The following PFKM variants were observed in gnomAD, a reference collection of about 807,000 sequenced individuals.
PFKM encodes the protein ATP-dependent 6-phosphofructokinase, muscle type.
A neutral mutation model predicts 95.5 loss-of-function variants in PFKM; 58 were observed. That is an observed-to-expected ratio of 0.61 (90% CI 0.49 to 0.76). The LOEUF (loss-of-function observed/expected upper bound fraction) is 0.76, where lower values mean the gene tolerates loss of function less well. Among genes scored for constraint, PFKM ranks in the 30% least tolerant of loss-of-function variants. The probability of loss-of-function intolerance (pLI) is 0.00; values close to 1 mark genes in which losing one functional copy is unlikely to be tolerated. For synonymous variants in PFKM, 336 were observed against 357.2 expected, an observed-to-expected ratio of 0.94 and a Z score of 0.67; for missense variants, 678 against 1,005.4, an observed-to-expected ratio of 0.67 and a Z score of 4.40.
At chr12:48,137,053 C>CTT (rs1394714959) in intron 10 of PFKM, among the ~76,000 whole-genome samples, 1 of 133,552 alleles carries the variant, frequency 7.5e-6, no homozygotes. Context: ...TGGGCCCAGC[C>CTT]TTTTTTTTTT....
At chr12:48,126,778 C>A (rs545140057) in intron 2 of PFKM, among the ~76,000 whole-genome samples, 52 of 152,294 alleles carry the variant, frequency 3.4e-4, no homozygotes, top group African/African-American at 1.2e-3. Flanking sequence ...AGAAGAGAAT[C>A]CCATAGGCCT....
chr12:48,130,852 G>C lies in PFKM; in HGVS notation c.159+416G>C, dbSNP rs138839787. Among the ~76,000 whole-genome samples, 1,151 of 152,250 alleles carry C rather than the reference G, an allele frequency of 7.6e-3. 12 individuals carry two copies. The highest frequency in any genetic ancestry group is 0.025 in the African/African-American group (1,050 of 41,546). On this transcript the variant is annotated intron_variant, in intron 3 of 22. Coordinates refer to ENST00000359794, the MANE Select transcript of PFKM (RefSeq NM_000289.6). ...AATCTTCTTTTGCACCCTTCTCCCAGTACCCTCTCATGCTTCACCCACTCT... is the reference window on the plus strand; with the variant it reads ...AATCTTCTTTTGCACCCTTCTCCCACTACCCTCTCATGCTTCACCCACTCT...
rs778761447 is a variant in PFKM at position 48,129,210 on chromosome 12, C to CTTTTTTTT, written c.86-1127_86-1120dup. Among the ~76,000 whole-genome samples, 5 of 21,976 alleles carry CTTTTTTTT rather than the reference C, an allele frequency of 2.3e-4. 1 individual carries two copies. Among genetic ancestry groups the CTTTTTTTT allele is most frequent in the Non-Finnish European group, 3.5e-4 (4 of 11,448 alleles). 14.4% of individuals were successfully genotyped at this position (21,976 alleles called of 152,430 possible). On this transcript the variant is annotated intron_variant, in intron 2 of 22. Coordinates refer to ENST00000359794, the MANE Select transcript of PFKM (RefSeq NM_000289.6). ...GTTCTGTTTTGTTTTAATTTTCTTT[C>CTTTTTTTT]TTTTTTTTTTTTTTTTTTTTTTTTT... is the stretch of plus-strand genomic sequence containing the variant.
chr12:48,117,128 CT>C (rs531704300), upstream of PFKM, among the ~76,000 whole-genome samples: 45 of 152,282 alleles, frequency 3.0e-4, no homozygotes, highest in South Asian at 9.3e-3. Flanking sequence ...AGTATGCAGC[CT>C]TTTCACACTG....
At chr12:48,121,882 G>C (rs1356863737) in intron 1 of PFKM, among the ~76,000 whole-genome samples, 1 of 152,130 alleles carries the variant, frequency 6.6e-6, no homozygotes, top group African/African-American at 2.4e-5. Context: ...ACAGGTTTTA[G>C]CCTGAAAAAC....
At chr12:48,124,915 C>T (rs746410840) in intron 2 of PFKM, among the ~76,000 whole-genome samples, 33 of 152,242 alleles carry the variant, frequency 2.2e-4, no homozygotes, top group Non-Finnish European at 3.7e-4. Context: ...CTAGTTCTCC[C>T]GGGGAGAAAA....
At chr12:48,118,430 G>C, upstream of PFKM, 4 of 913,542 alleles carry the variant, frequency 4.4e-6, no homozygotes, top group Non-Finnish European at 5.2e-6. Context: ...ATTTTGTGTA[G>C]TCAAATGGGG....
chr12:48,129,679 T>G (rs964087820), intron 2 of PFKM, among the ~76,000 whole-genome samples: 4 of 152,206 alleles, frequency 2.6e-5, no homozygotes, highest in Non-Finnish European at 1.5e-5. Context: ...ATCAGCTGTC[T>G]GGTAACAGAT....
chr12:48,115,890 C>T (rs971669804), upstream of PFKM, among the ~76,000 whole-genome samples: 3 of 152,242 alleles, frequency 2.0e-5, no homozygotes, highest in East Asian at 5.8e-4. Context: ...AATAATGTTG[C>T]TATGAACATT....
chr12:48,122,169 G>C lies in PFKM; in HGVS notation c.-8-598G>C, dbSNP rs1046233236. Among the ~76,000 whole-genome samples, 6 of 152,164 alleles carry C rather than the reference G, an allele frequency of 3.9e-5. No individual in the cohort carries two copies. In the South Asian group the frequency reaches 1.2e-3, roughly 32 times the overall value. ...CCATAGAAAGCCCCTGACCATTCTT[G>C]AGACTGACACCATTAATTTGCCTAA... On this transcript the variant is annotated intron_variant, in intron 1 of 22. Transcript: ENST00000359794.
chr12:48,116,133 C>T (rs1337413138), upstream of PFKM, among the ~76,000 whole-genome samples: 2 of 143,774 alleles, frequency 1.4e-5, no homozygotes, highest in East Asian at 4.5e-4. Context: ...TCCCTTCCTT[C>T]CTTCCTTCCT....
chr12:48,141,700 C>G (rs1447341891), intron 15 of PFKM, 40 bp from the exon 16 acceptor site: 2 of 1,441,528 alleles, frequency 1.4e-6, no homozygotes, highest in African/African-American at 1.4e-5. Flanking sequence ...TCCCCAAATT[C>G]CAATTCCCCT....
At position 48,142,769 on chromosome 12, in the gene PFKM, A is replaced by G; in HGVS notation, c.1654-13A>G. 1 of 1,613,164 alleles carries G rather than the reference A, an allele frequency of 6.2e-7. No individual in the cohort carries two copies. Among genetic ancestry groups the G allele is most frequent in the East Asian group, 2.2e-5 (1 of 44,862 alleles). On this transcript the variant is annotated splice_polypyrimidine_tract_variant and intron_variant, in intron 17 of 22. Coordinates refer to ENST00000359794, the MANE Select transcript of PFKM (RefSeq NM_000289.6). The stretch of plus-strand genomic sequence containing the variant: ...GATCATGTCTTTCTAACTATAACCC[A>G]TTGTCCTTGCAGACCTGTGACCGCA...
chr12:48,116,886 G>T (rs528528803), upstream of PFKM, among the ~76,000 whole-genome samples: 140 of 152,226 alleles, frequency 9.2e-4, no homozygotes, highest in African/African-American at 3.0e-3. Context: ...TTACATTAGG[G>T]TTTACTCTTT....
At chr12:48,123,447 T>C (rs1484599308) in intron 2 of PFKM, among the ~76,000 whole-genome samples, 2 of 152,160 alleles carry the variant, frequency 1.3e-5, no homozygotes, top group Non-Finnish European at 2.9e-5. Flanking sequence ...AAAAACCCTT[T>C]TCTAGGTTGA....
upstream of PFKM, among the ~76,000 whole-genome samples, chr12:48,117,066 A>G (rs1173944541): frequency 2.0e-5 from 3 of 151,998 alleles, no homozygotes; most frequent in African/African-American, 4.8e-5. Context: ...TGATATTTTT[A>G]TTGTCTCCGT....
chr12:48,125,183 A>T (rs1948702418), intron 2 of PFKM: 1 of 281,380 alleles, frequency 3.6e-6, no homozygotes, highest in South Asian at 2.7e-5. Context: ...TCAGCCGCCA[A>T]AACTATGCTA....
chr12:48,142,719 A>T, intron 17 of PFKM, 63 bp from the exon 18 acceptor site: 2 of 1,432,308 alleles, frequency 1.4e-6, no homozygotes, highest in Non-Finnish European at 2.0e-6. Flanking sequence ...GGCAAAGATT[A>T]AAGAGTGATA....
chr12:48,105,552 T>G, upstream of PFKM: 1 of 502,954 alleles, frequency 2.0e-6, no homozygotes. Context: ...GGAGAAATGT[T>G]TACGTGAGAC....
Sources: allele counts gnomAD v4.1 joint callset (sites outside exome capture counted in the v4.1 genomes callset), GRCh38; gene constraint gnomAD v4.1.1; transcripts MANE v1.5; gene names NCBI Gene and HGNC (gene_info 2026-07-23, HGNC 2026-07-21).